RADIL: variants seen among roughly 807,000 people sequenced by gnomAD.
RADIL encodes the protein Rap associating with DIL domain, also known as ras-associating and dilute domain-containing protein.
Under a neutral mutation model 97.6 loss-of-function variants are expected in RADIL, and 99 were observed. The observed-to-expected ratio is 1.01, with a 90% CI of 0.86 to 1.20. The LOEUF (loss-of-function observed/expected upper bound fraction) is 1.20. Ranked by LOEUF, RADIL falls within the 50% of genes most tolerant of loss-of-function variation. The pLI, the probability that RADIL is intolerant of heterozygous loss-of-function variation, is 0.00. For missense variants in RADIL, 1,765 were observed against 1,498.9 expected (o/e 1.18, Z -2.93); for synonymous variants, 803 against 691.8 (o/e 1.16, Z -2.52).
intron 2 of RADIL, among the ~76,000 whole-genome samples, chr7:4,839,070 C>G (rs1004936412): frequency 6.6e-6 from 1 of 152,228 alleles, no homozygotes; most frequent in Admixed American, 6.5e-5. Context: ...GAGAGAAGAC[C>G]GTAGCCAGCT....
intron 9 of RADIL, among the ~76,000 whole-genome samples, chr7:4,810,379 G>A (rs1017783513): frequency 1.3e-5 from 2 of 152,102 alleles, no homozygotes; most frequent in African/African-American, 4.8e-5. Context: ...GTGTTACCCA[G>A]GCTGGTCTGG....
rs541957389 is a variant in RADIL, at chr7:4,818,188, G to GTGGGGGCTGCCTGTCCGGGCCGCATCT, written c.1616-838_1616-837insAGATGCGGCCCGGACAGGCAGCCCCCA. Reference sequence around the variant, plus strand: ...CCAGGAGGGGCAGAGGGGCCGCATCGTGGGGGCTGCCTGTCCAGGCCGCCT... The same window carrying GTGGGGGCTGCCTGTCCGGGCCGCATCT: ...CCAGGAGGGGCAGAGGGGCCGCATCGTGGGGGCTGCCTGTCCGGGCCGCATCTTGGGGGCTGCCTGTCCAGGCCGCCT... On this transcript the variant is annotated intron_variant, in intron 6 of 14. Transcript: ENST00000399583. This position sits in a 1 kb window ranked among gnomAD's most constrained non-coding sequence, Gnocchi z 7.1. Among the ~76,000 whole-genome samples the GTGGGGGCTGCCTGTCCGGGCCGCATCT allele has an allele frequency of 1.9e-3, 286 of 152,330 alleles. 1 individual carries two copies. The highest frequency in any genetic ancestry group is 6.6e-3 in the African/African-American group (276 of 41,568).
Position 4,873,624 on chromosome 7 carries a change from C to T in RADIL, c.535+3981G>A, listed in dbSNP as rs1007548039. Among the ~76,000 whole-genome samples, 8 of 152,218 alleles carry T rather than the reference C, an allele frequency of 5.3e-5. No individual in the cohort carries two copies. Among genetic ancestry groups the T allele is most frequent in the African/African-American group, 1.7e-4 (7 of 41,452 alleles). ...GCCGTCCTTTTGAAACTACACCACC[C>T]ACTTCAGTAGGATTTGTTTCACTGC... On this transcript the variant is annotated intron_variant, in intron 2 of 14. Coordinates refer to ENST00000399583, the MANE Select transcript of RADIL (RefSeq NM_018059.5). The surrounding 1 kb of genome is among the most constrained non-coding windows in gnomAD (Gnocchi z 4.3).
At position 4,834,618 on chromosome 7, in the gene RADIL, C is replaced by T. The variant is rs781480704; in HGVS notation, c.1405G>A (p.Glu469Lys). 7 of 1,341,168 alleles carry T rather than the reference C, an allele frequency of 5.2e-6. No homozygotes were observed. Among genetic ancestry groups the T allele is most frequent in the Non-Finnish European group, 5.8e-6 (6 of 1,039,256 alleles). 83.1% of individuals were successfully genotyped at this position (1,341,168 alleles called of 1,614,324 possible). The change falls in exon 4 of 15, where the codon GAG (glutamate) becomes AAG (lysine). Residue 469 changes from glutamate (E) to lysine (K), a missense_variant. Transcript: ENST00000399583. The surrounding 1 kb of genome is among the most constrained non-coding windows in gnomAD (Gnocchi z 6.0). ...LLLKIARLIR[E>K]TVWEKTKELA... is the part of the protein sequence containing the mutation. Reference sequence around the variant, plus strand: ...CCCAGCACACTGACCCAGACAGTCTCGCGGATCAGCCTGGCTATCTTGAGC... The same window carrying T: ...CCCAGCACACTGACCCAGACAGTCTTGCGGATCAGCCTGGCTATCTTGAGC...
Position 4,798,338 on chromosome 7 carries a change from C to G in RADIL, c.*1040G>C, listed in dbSNP as rs1042199418. ...CAGGGCCTGGGACAGACCCAGGACA[C>G]CGATCTGGGGACCCCGCACAGACCT... On this transcript the variant is annotated 3_prime_UTR_variant, in exon 15 of 15. Transcript: ENST00000399583. 2 of 152,146 alleles carry G rather than the reference C, an allele frequency of 1.3e-5. No individual in the cohort carries two copies. Among genetic ancestry groups the G allele is most frequent in the Non-Finnish European group, 2.9e-5 (2 of 68,046 alleles). 9.4% of individuals were successfully genotyped at this position (152,146 alleles called of 1,614,324 possible).
intron 2 of RADIL, chr7:4,838,114 C>A (rs1326476192): frequency 2.1e-6 from 2 of 945,850 alleles, no homozygotes; most frequent in African/African-American, 3.5e-5. Context: ...TGCGAGGCTG[C>A]TGGGCTGGGC....
In RADIL at chr7:4,799,703, C is replaced by T. The variant is rs780772747; in HGVS notation, c.3049G>A (p.Asp1017Asn). Reference protein sequence around the residue: ...TLLPGSPAAADGRLSLGDRIL... With the variant: ...TLLPGSPAAANGRLSLGDRIL... Reference sequence around the variant, plus strand: ...CGGTCCCCCAGCGACAGGCGCCCGTCGGCCGCTGCGGGGCTGCCCGGGAGC... The same window carrying T: ...CGGTCCCCCAGCGACAGGCGCCCGTTGGCCGCTGCGGGGCTGCCCGGGAGC... Residue 1017 changes from aspartate (D) to asparagine (N), a missense_variant, in exon 14 of 15, where the codon GAC (aspartate) becomes AAC (asparagine). Transcript: ENST00000399583. 2.2e-5 allele frequency: 34 copies of T among 1,573,882 alleles called. No homozygotes were observed. Among genetic ancestry groups the T allele is most frequent in the East Asian group, 4.7e-5 (2 of 42,984 alleles).
At chr7:4,861,705 C>A in intron 2 of RADIL, 1 of 1,574,084 alleles carries the variant, frequency 6.4e-7, no homozygotes, top group Non-Finnish European at 8.6e-7. Flanking sequence ...AGGAGGCAGT[C>A]CGTCTCCTTG....
intron 9 of RADIL, chr7:4,809,569 T>A (rs916126235): frequency 4.1e-6 from 4 of 985,334 alleles, no homozygotes; most frequent in Admixed American, 1.2e-4. Context: ...CCACGGCAGG[T>A]CCCGCCCCAC....
chr7:4,816,100 C>A lies in RADIL; in HGVS notation c.1966+128G>T. 3.6e-6 allele frequency: 3 copies of A among 829,594 alleles called. No homozygotes were observed. The South Asian group carries it at 4.9e-5, about 14-fold the overall frequency. 51.4% of individuals were successfully genotyped at this position (829,594 alleles called of 1,614,324 possible). A position where few individuals can be genotyped will look rare whatever the true frequency, so the allele number is the denominator to read the frequency against. ...CTGGCCTCTCACCCCTCAGGGACAC[C>A]AGACGCTCAGGGAGCAGGAGGCCAA... is the stretch of plus-strand genomic sequence containing the variant. On this transcript the variant is annotated intron_variant, in intron 8 of 14. Coordinates refer to ENST00000399583, the MANE Select transcript of RADIL (RefSeq NM_018059.5).
chr7:4,835,406 C>A lies in RADIL; in HGVS notation c.784-167G>T, dbSNP rs1249867479. ...CCAGAACCCCGACGGCTCTCAGGAACCCGCCCCTCGATGTCCGGGCCCATC... is the reference window on the plus strand; with the variant it reads ...CCAGAACCCCGACGGCTCTCAGGAAACCGCCCCTCGATGTCCGGGCCCATC... On this transcript the variant is annotated intron_variant, in intron 3 of 14. Transcript: ENST00000399583. The surrounding 1 kb of genome is among the most constrained non-coding windows in gnomAD (Gnocchi z 5.8). 6.6e-6 allele frequency among the ~76,000 whole-genome samples: 1 copy of A among 152,192 alleles called. No individual in the cohort carries two copies. The highest frequency in any genetic ancestry group is 1.9e-4 in the East Asian group (1 of 5,190).
In RADIL at chr7:4,842,295, T is replaced by C. The variant is rs1243076073; in HGVS notation, c.536-5690A>G. Among the ~76,000 whole-genome samples the C allele has an allele frequency of 6.6e-6, 1 of 152,144 alleles. No individual in the cohort carries two copies. Among genetic ancestry groups the C allele is most frequent in the Non-Finnish European group, 1.5e-5 (1 of 68,020 alleles). ...GTAAGGAAAGGAGGGCTGAGCTCCA[T>C]GTCCCTGAAGCTCTGTTAGCGGCCT... On this transcript the variant is annotated intron_variant, in intron 2 of 14. Coordinates refer to ENST00000399583, the MANE Select transcript of RADIL (RefSeq NM_018059.5). The surrounding 1 kb of genome is among the most constrained non-coding windows in gnomAD (Gnocchi z 4.5).
At chr7:4,861,260 T>C (rs1232310937) in intron 2 of RADIL, 4 of 1,614,142 alleles carry the variant, frequency 2.5e-6, no homozygotes, top group Non-Finnish European at 8.5e-7. Flanking sequence ...ATCTCTTAAG[T>C]CCAAATCTTC....
intron 2 of RADIL, chr7:4,861,834 G>GCACGTCCCCCACTACCGCGACCTT: frequency 7.9e-7 from 1 of 1,268,416 alleles, no homozygotes; most frequent in Non-Finnish European, 1.0e-6. Flanking sequence ...CCCCGCCAGG[G>GCACGTCCCCCACTACCGCGACCTT]CACGTCCCCC....
rs1278629443 is a variant in RADIL, at chr7:4,801,854, G to A, written c.2641C>T (p.Pro881Ser). 4 of 1,596,794 alleles carry A rather than the reference G, an allele frequency of 2.5e-6. No homozygotes were observed. The highest frequency in any genetic ancestry group is 3.4e-6 in the Non-Finnish European group (4 of 1,172,466). Residue 881 changes from proline (P) to serine (S), a missense_variant, in exon 12 of 15, where the codon CCT becomes TCT. Pro to Ser is a moderately conservative substitution (Grantham distance 74). Transcript: ENST00000399583. Reference protein sequence around the residue: ...LRGAPWAQAPPGRQPSRGGSQ... With the variant: ...LRGAPWAQAPSGRQPSRGGSQ... The stretch of plus-strand genomic sequence containing the variant: ...CCCCCACGGCTGGGTTGCCTTCCAG[G>A]GGGGGCCTGTGCCCAGGGAGCCCCC...
rs2115016444 is a variant in RADIL at position 4,846,908 on chromosome 7, A to C, written c.536-10303T>G. On this transcript the variant is annotated intron_variant, in intron 2 of 14. Coordinates refer to ENST00000399583, the MANE Select transcript of RADIL (RefSeq NM_018059.5). The stretch of plus-strand genomic sequence containing the variant: ...ACATTTCTTCAAAGAATAAATATAC[A>C]TGGCCAATAAGTACAGTAAAATACA... Among the ~76,000 whole-genome samples the C allele has an allele frequency of 2.6e-5, 4 of 152,252 alleles. No individual in the cohort carries two copies. The Middle Eastern group carries it at 0.01, about 388-fold the overall frequency.
Position 4,840,091 on chromosome 7 carries a change from C to G in RADIL, c.536-3486G>C, listed in dbSNP as rs1400695159. Among the ~76,000 whole-genome samples, 1 of 152,160 alleles carries G rather than the reference C, an allele frequency of 6.6e-6. No homozygotes were observed. The highest frequency in any genetic ancestry group is 1.5e-5 in the Non-Finnish European group (1 of 68,020). ...ATAAAAATCACAGAAGTTTGAAAGG[C>G]CTCTTGCTCACGTGTGGCTTTGTGA... On this transcript the variant is annotated intron_variant, in intron 2 of 14. Coordinates refer to ENST00000399583, the MANE Select transcript of RADIL (RefSeq NM_018059.5). This position sits in a 1 kb window ranked among gnomAD's most constrained non-coding sequence, Gnocchi z 5.6.
At chr7:4,802,469 C>T (rs1320853916) in intron 11 of RADIL, among the ~76,000 whole-genome samples, 32 of 132,280 alleles carry the variant, frequency 2.4e-4, no homozygotes, top group Admixed American at 1.8e-3. Flanking sequence ...CCTCGGGGCA[C>T]GCTGGCTGGG....
chr7:4,800,236 AGCAGAAGTCCTCGGT>A lies in RADIL; in HGVS notation c.2902_2916del (p.Thr968_Cys972del). The A allele has an allele frequency of 6.3e-7, 1 of 1,599,536 alleles. No individual in the cohort carries two copies. The highest frequency in any genetic ancestry group is 8.5e-7 in the Non-Finnish European group (1 of 1,174,578). On this transcript the variant is annotated inframe_deletion, in exon 13 of 15. Coordinates refer to ENST00000399583, the MANE Select transcript of RADIL (RefSeq NM_018059.5). ...CGTTCCAGCTCCACCGTGAAGACGT[AGCAGAAGTCCTCGGT>A]GCTGGAGCTGCGGCTGGACGGGGCT...
Sources: allele counts gnomAD v4.1 joint callset (sites outside exome capture counted in the v4.1 genomes callset), GRCh38; gene constraint gnomAD v4.1.1; non-coding constraint Gnocchi (gnomAD v3.1); transcripts MANE v1.5; gene names NCBI Gene and HGNC (gene_info 2026-07-23, HGNC 2026-07-21).